The following LRRC4C variants were observed in gnomAD, a reference collection of about 807,000 sequenced individuals.
The protein encoded by LRRC4C is leucine rich repeat containing 4C.
LRRC4C carries 5 observed loss-of-function variants against 33.6 expected under a neutral mutation model. That is an observed-to-expected ratio of 0.15 (90% CI 0.08 to 0.31). The LOEUF (loss-of-function observed/expected upper bound fraction) is 0.31. Among genes scored for constraint, LRRC4C ranks in the 10% least tolerant of loss-of-function variants. The pLI is 1.00. For synonymous variants in LRRC4C, 329 were observed against 302.0 expected, an observed-to-expected ratio of 1.09 and a Z score of -0.93; for missense variants, 560 against 796.7, an observed-to-expected ratio of 0.70 and a Z score of 3.58.
At chr11:40,126,968 AAAAT>A (rs1405963112) in intron 6 of LRRC4C, among the ~76,000 whole-genome samples, 51 of 152,004 alleles carry the variant, frequency 3.4e-4, no homozygotes, top group East Asian at 9.7e-4. Flanking sequence ...TCAAAAAAAA[AAAAT>A]AAATAAAAAG....
intron 1 of LRRC4C, among the ~76,000 whole-genome samples, chr11:41,425,450 T>C (rs1055248731): frequency 5.3e-5 from 8 of 152,094 alleles, no homozygotes; most frequent in African/African-American, 1.9e-4. Flanking sequence ...GGCCTCTGGC[T>C]GAGTAAAGAA....
At chr11:40,971,006 GACC>G (rs1851690113) in intron 1 of LRRC4C, among the ~76,000 whole-genome samples, 1 of 152,174 alleles carries the variant, frequency 6.6e-6, no homozygotes, top group Non-Finnish European at 1.5e-5. Context: ...GCAAAGAAAT[GACC>G]TGAAACTGGG....
At chr11:40,947,478 T>A (rs1958457356) in intron 1 of LRRC4C, among the ~76,000 whole-genome samples, 2 of 152,136 alleles carry the variant, frequency 1.3e-5, no homozygotes. Context: ...TTGTATATGC[T>A]ACCTATTACC....
rs535871188 is a variant in LRRC4C at position 41,284,294 on chromosome 11, G to A, written c.-496+175137C>T. On this transcript the variant is annotated intron_variant, in intron 1 of 6. Transcript: ENST00000528697. Reference sequence around the variant, plus strand: ...ACTATGGAAACACTTCTGTGAAAGTGCGTTTTACATAGAAAATGAGCACAC... The same window carrying A: ...ACTATGGAAACACTTCTGTGAAAGTACGTTTTACATAGAAAATGAGCACAC... Among the ~76,000 whole-genome samples, 5 of 152,330 alleles carry A rather than the reference G, an allele frequency of 3.3e-5. No individual in the cohort carries two copies. In the East Asian group the frequency reaches 9.6e-4, roughly 29 times the overall value.
At chr11:41,279,428 A>ACACACACACACCCCC (rs58139193) in intron 1 of LRRC4C, among the ~76,000 whole-genome samples, 1 of 140,788 alleles carries the variant, frequency 7.1e-6, no homozygotes, top group Non-Finnish European at 1.5e-5. Context: ...ACACACACAC[A>ACACACACACACCCCC]CCGTGGCAAT....
intron 4 of LRRC4C, among the ~76,000 whole-genome samples, chr11:40,273,376 A>G (rs1323844334): frequency 6.6e-6 from 1 of 152,156 alleles, no homozygotes; most frequent in Admixed American, 6.6e-5. Flanking sequence ...TGATCAGTGC[A>G]TATAATTCAA....
At chr11:40,533,677 A>G (rs1356369956) in intron 3 of LRRC4C, among the ~76,000 whole-genome samples, 1 of 152,160 alleles carries the variant, frequency 6.6e-6, no homozygotes, top group African/African-American at 2.4e-5. Context: ...AGGCATAGTC[A>G]GAGAAGCTAT....
At chr11:40,511,221 T>C (rs1259036654) in intron 3 of LRRC4C, among the ~76,000 whole-genome samples, 1 of 152,198 alleles carries the variant, frequency 6.6e-6, no homozygotes, top group African/African-American at 2.4e-5. Flanking sequence ...AAAGAAATTA[T>C]ATGAGCTCAT....
intron 5 of LRRC4C, among the ~76,000 whole-genome samples, chr11:40,162,633 GT>G (rs1859253121): frequency 6.6e-6 from 1 of 152,130 alleles, no homozygotes; most frequent in African/African-American, 2.4e-5. Context: ...GTAGCTCAGT[GT>G]TCATCCGCTT....
intron 2 of LRRC4C, among the ~76,000 whole-genome samples, chr11:40,814,794 A>G (rs1346899682): frequency 6.6e-6 from 1 of 152,070 alleles, no homozygotes; most frequent in Non-Finnish European, 1.5e-5. Context: ...GCTAAAACAT[A>G]GCAAAAGTGA....
At chr11:40,613,949 G>A (rs964396481) in intron 3 of LRRC4C, among the ~76,000 whole-genome samples, 2 of 151,834 alleles carry the variant, frequency 1.3e-5, no homozygotes, top group Non-Finnish European at 1.5e-5. Context: ...CATGCTGTAA[G>A]CAGAAGTGCT....
chr11:40,123,520 G>A (rs1855982495), intron 6 of LRRC4C, among the ~76,000 whole-genome samples: 1 of 151,798 alleles, frequency 6.6e-6, no homozygotes. Flanking sequence ...AAAATACTTA[G>A]GAATTAAATA....
chr11:40,364,095 CCAAA>C (rs1257932347), intron 3 of LRRC4C, among the ~76,000 whole-genome samples: 8 of 151,802 alleles, frequency 5.3e-5, no homozygotes, highest in Middle Eastern at 3.4e-3. Context: ...AACTATATAC[CCAAA>C]CAAAGACCAG....
chr11:40,859,459 CTG>C (rs2135823097), intron 2 of LRRC4C, among the ~76,000 whole-genome samples: 1 of 152,032 alleles, frequency 6.6e-6, no homozygotes, highest in South Asian at 2.1e-4. Context: ...TTTAGTAAGA[CTG>C]TACTCACAAA....
At chr11:41,079,986 T>C (rs926383686) in intron 1 of LRRC4C, among the ~76,000 whole-genome samples, 1 of 152,142 alleles carries the variant, frequency 6.6e-6, no homozygotes, top group Non-Finnish European at 1.5e-5. Flanking sequence ...TATTAACCTG[T>C]TTATCATCAT....
chr11:40,151,507 C>T (rs999598832), intron 5 of LRRC4C, among the ~76,000 whole-genome samples: 7 of 152,140 alleles, frequency 4.6e-5, no homozygotes, highest in Admixed American at 4.6e-4. Context: ...TATATCTTTT[C>T]AAGAAATTAT....
chr11:40,973,191 C>T (rs962155911), intron 1 of LRRC4C, among the ~76,000 whole-genome samples: 1 of 152,060 alleles, frequency 6.6e-6, no homozygotes, highest in Non-Finnish European at 1.5e-5. Flanking sequence ...ATTACCTGGT[C>T]TTGAGTAATT....
chr11:40,119,850 C>T (rs1280661430), intron 6 of LRRC4C, among the ~76,000 whole-genome samples: 3 of 152,118 alleles, frequency 2.0e-5, no homozygotes, highest in Non-Finnish European at 4.4e-5. Flanking sequence ...TTATCAGGTT[C>T]TCCCAGGACT....
intron 3 of LRRC4C, among the ~76,000 whole-genome samples, chr11:40,503,679 T>C (rs1297412403): frequency 6.6e-6 from 1 of 152,236 alleles, no homozygotes; most frequent in Non-Finnish European, 1.5e-5. Flanking sequence ...TCTTTCTTGA[T>C]TCACCATTTT....
Sources: gnomAD v4.1 joint callset for allele counts (sites outside exome capture counted in the v4.1 genomes callset) on GRCh38, gnomAD v4.1.1 for gene constraint, MANE v1.5 for transcripts, NCBI Gene and HGNC (gene_info 2026-07-23, HGNC 2026-07-21) for gene names.